The following BRINP1 variants were observed in gnomAD, a reference collection of about 807,000 sequenced individuals.
BRINP1 encodes the protein BMP/retinoic acid-inducible neural-specific protein 1.
In BRINP1, 17 loss-of-function variants were observed where a neutral mutation model predicts 72.9. The ratio of observed to expected loss-of-function variants is 0.23; its 90% CI spans 0.16 to 0.35. The LOEUF (loss-of-function observed/expected upper bound fraction) is 0.35, where lower values mean the gene tolerates loss of function less well. Among genes scored for constraint, BRINP1 ranks in the 10% least tolerant of loss-of-function variants. BRINP1 has a pLI of 1.00. For synonymous variants in BRINP1, 418 were observed against 378.5 expected, an observed-to-expected ratio of 1.10 and a Z score of -1.21; for missense variants, 850 against 1,001.6, an observed-to-expected ratio of 0.85 and a Z score of 2.04.
intron 5 of BRINP1, among the ~76,000 whole-genome samples, chr9:119,214,939 G>A (rs144730694): frequency 6.6e-6 from 1 of 152,186 alleles, no homozygotes; most frequent in African/African-American, 2.4e-5. Flanking sequence ...AATAGCTGTA[G>A]AGAGGGACAG....
In BRINP1 at chr9:119,167,735, G is replaced by C. The variant is rs1438263966; in HGVS notation, c.1635C>G (p.Ser545=). ...TGTTGCGCATCTGGCAGATGCGCATGGACATGCCGATCACCATGTGGATGA... is the reference window on the plus strand; with the variant it reads ...TGTTGCGCATCTGGCAGATGCGCATCGACATGCCGATCACCATGTGGATGA... ...MDFIHMVIGM[S]MRICQMRNSS... is the part of the protein sequence containing the mutation. Residue 545 remains serine, a synonymous_variant, in exon 8 of 8, where the codon TCC becomes TCG. Transcript: ENST00000265922. This position sits in a 1 kb window ranked among gnomAD's most constrained non-coding sequence, Gnocchi z 4.3. 4.3e-6 allele frequency: 7 copies of C among 1,614,002 alleles called. No individual in the cohort carries two copies. Among genetic ancestry groups the C allele is most frequent in the Non-Finnish European group, 5.9e-6 (7 of 1,180,018 alleles).
chr9:119,268,738 T>A (rs1830579006), intron 2 of BRINP1, among the ~76,000 whole-genome samples: 1 of 152,198 alleles, frequency 6.6e-6, no homozygotes, highest in Non-Finnish European at 1.5e-5. Flanking sequence ...GACAAGGACA[T>A]TGTCTTATTT....
intron 2 of BRINP1, among the ~76,000 whole-genome samples, chr9:119,249,923 A>G (rs1830364875): frequency 8.9e-6 from 1 of 112,420 alleles, no homozygotes; most frequent in Non-Finnish European, 1.8e-5. Flanking sequence ...GGATGAAGGG[A>G]GAGAGGGAGA....
intron 7 of BRINP1, among the ~76,000 whole-genome samples, chr9:119,198,672 ATTT>A (rs35233721): frequency 0.17 from 24,146 of 146,280 alleles, 2,144 homozygotes; most frequent in Non-Finnish European, 0.21. Context: ...GAAAATATTA[ATTT>A]TTTTTTTTTT....
chr9:119,361,605 C>T (rs566108065), intron 1 of BRINP1, among the ~76,000 whole-genome samples: 1 of 146,864 alleles, frequency 6.8e-6, no homozygotes, highest in Non-Finnish European at 1.5e-5. Context: ...TGTCATGCAA[C>T]ATATTCTTCT....
At chr9:119,194,442 T>C (rs1009474491) in intron 7 of BRINP1, among the ~76,000 whole-genome samples, 3 of 152,184 alleles carry the variant, frequency 2.0e-5, no homozygotes, top group African/African-American at 4.8e-5. Context: ...GGTGATGAGA[T>C]AGCACTCTGG....
At chr9:119,176,409 A>G (rs886156216) in intron 7 of BRINP1, among the ~76,000 whole-genome samples, 4 of 152,162 alleles carry the variant, frequency 2.6e-5, no homozygotes, top group Admixed American at 6.5e-5. Flanking sequence ...CATCTATTCT[A>G]TCACTTCCAC....
At chr9:119,310,487 G>A (rs1200082814) in intron 2 of BRINP1, among the ~76,000 whole-genome samples, 1 of 152,178 alleles carries the variant, frequency 6.6e-6, no homozygotes, top group African/African-American at 2.4e-5. Context: ...ATGACTCTAT[G>A]AGCAGAAGCC....
Position 119,174,681 on chromosome 9 carries a change from G to A in BRINP1, c.1146-6457C>T, listed in dbSNP as rs1402984930. 7.4e-4 allele frequency among the ~76,000 whole-genome samples: 112 copies of A among 150,600 alleles called. No individual in the cohort carries two copies. The South Asian group carries it at 9.5e-3, about 13-fold the overall frequency. On this transcript the variant is annotated intron_variant, in intron 7 of 7. Coordinates refer to ENST00000265922, the MANE Select transcript of BRINP1 (RefSeq NM_014618.3). ...ACACATGCACACGTATGTTTATTGC[G>A]GCATTATTCACAATAGCAAAGACTT...
intron 7 of BRINP1, among the ~76,000 whole-genome samples, chr9:119,200,063 T>C (rs1829788664): frequency 6.6e-6 from 1 of 152,178 alleles, no homozygotes; most frequent in African/African-American, 2.4e-5. Flanking sequence ...TCTAAATATA[T>C]TCAACATATG....
intron 7 of BRINP1, among the ~76,000 whole-genome samples, chr9:119,204,916 T>G (rs1829837794): frequency 6.6e-6 from 1 of 152,224 alleles, no homozygotes; most frequent in African/African-American, 2.4e-5. Context: ...CAAAGCCACC[T>G]GTTTGTGAGA....
intron 2 of BRINP1, among the ~76,000 whole-genome samples, chr9:119,258,848 G>C (rs1450414150): frequency 6.6e-6 from 1 of 152,128 alleles, no homozygotes; most frequent in African/African-American, 2.4e-5. Context: ...CCCATCACAA[G>C]TGGAGGAAAC....
At chr9:119,265,717 A>G (rs1385496437) in intron 2 of BRINP1, among the ~76,000 whole-genome samples, 1 of 152,178 alleles carries the variant, frequency 6.6e-6, no homozygotes, top group Non-Finnish European at 1.5e-5. Flanking sequence ...CATTCTTTCA[A>G]TCAGTACCTT....
intron 2 of BRINP1, among the ~76,000 whole-genome samples, chr9:119,302,171 G>A (rs779000773): frequency 1.3e-5 from 2 of 152,164 alleles, no homozygotes; most frequent in Admixed American, 6.5e-5. Flanking sequence ...ACTTGAGGTC[G>A]TTCACAGTTT....
chr9:119,266,285 TAAG>T (rs894373040), intron 2 of BRINP1, among the ~76,000 whole-genome samples: 2 of 152,072 alleles, frequency 1.3e-5, no homozygotes, highest in Non-Finnish European at 2.9e-5. Context: ...TGAAAACTAC[TAAG>T]AAGGCCAATT....
intron 2 of BRINP1, among the ~76,000 whole-genome samples, chr9:119,262,665 A>G (rs74778440): frequency 6.7e-6 from 1 of 150,210 alleles, no homozygotes; most frequent in East Asian, 2.0e-4. Flanking sequence ...AAAAAAAAAA[A>G]AGCTGAAATT....
At chr9:119,353,822 CTTTTTTTTTTTTT>C (rs138900910) in intron 1 of BRINP1, among the ~76,000 whole-genome samples, 18 of 30,924 alleles carry the variant, frequency 5.8e-4, no homozygotes, top group African/African-American at 1.4e-3. Context: ...GTTTTGAGCA[CTTTTTTTTTTTTT>C]TTTTTTTTTT....
At chr9:119,238,953 G>A (rs973629144) in intron 4 of BRINP1, among the ~76,000 whole-genome samples, 193 bp from the exon 5 acceptor site, 1 of 152,168 alleles carries the variant, frequency 6.6e-6, no homozygotes, top group Non-Finnish European at 1.5e-5. Context: ...TAAGCAGGGT[G>A]GTCAAGCATA....
chr9:119,194,816 A>T (rs1829718688), intron 7 of BRINP1, among the ~76,000 whole-genome samples: 1 of 152,178 alleles, frequency 6.6e-6, no homozygotes, highest in Admixed American at 6.6e-5. Context: ...TGTCCAACAC[A>T]TTGATTTCAG....
Sources: allele counts gnomAD v4.1 joint callset (sites outside exome capture counted in the v4.1 genomes callset), GRCh38; gene constraint gnomAD v4.1.1; non-coding constraint Gnocchi (gnomAD v3.1); transcripts MANE v1.5; gene names NCBI Gene and HGNC (gene_info 2026-07-23, HGNC 2026-07-21).